The following RGL1 variants were observed in gnomAD, a reference collection of about 807,000 sequenced individuals.
RGL1 encodes ral guanine nucleotide dissociation stimulator-like 1.
A neutral mutation model predicts 95.2 loss-of-function variants in RGL1; 24 were observed. The observed-to-expected ratio is 0.25, with a 90% confidence interval of 0.18 to 0.35. RGL1 has a LOEUF of 0.35. Ranked by LOEUF, RGL1 falls within the 10% of genes least tolerant of loss-of-function variation. The pLI is 1.00. For synonymous variants in RGL1, 329 were observed against 344.9 expected (o/e 0.95, Z 0.51); for missense variants, 715 against 936.3 (o/e 0.76, Z 3.08).
intron 7 of RGL1, among the ~76,000 whole-genome samples, chr1:183,885,210 C>T (rs1667046669): frequency 6.6e-6 from 1 of 152,210 alleles, no homozygotes; most frequent in Non-Finnish European, 1.5e-5. Context: ...TAGAGTGAGA[C>T]ATTCTGTCTG....
chr1:183,870,830 T>G (rs1666141065), intron 4 of RGL1, among the ~76,000 whole-genome samples: 1 of 152,184 alleles, frequency 6.6e-6, no homozygotes, highest in East Asian at 1.9e-4. Flanking sequence ...TATTTGTGTC[T>G]CTTTTTATAA....
At chr1:183,656,785 T>C (rs1651197221) in intron 1 of RGL1, among the ~76,000 whole-genome samples, 2 of 152,214 alleles carry the variant, frequency 1.3e-5, no homozygotes, top group Admixed American at 1.3e-4. Context: ...AATGATATTA[T>C]ACAAAGAAGA....
chr1:183,872,762 A>G (rs933665068), intron 4 of RGL1, among the ~76,000 whole-genome samples: 3 of 152,250 alleles, frequency 2.0e-5, no homozygotes, highest in Admixed American at 1.3e-4. Flanking sequence ...AGAGTTTGCA[A>G]TCAATATTCA....
rs527391366 is a variant in RGL1 at position 183,683,730 on chromosome 1, A to C, written c.-33+47229A>C. 2.1e-4 allele frequency among the ~76,000 whole-genome samples: 32 copies of C among 152,262 alleles called. 1 individual carries two copies. The South Asian group carries it at 4.6e-3, about 22-fold the overall frequency. ...TTAGCCTGTCTTGCTAGTTTGGGGA[A>C]GTTCTCCTGGCTAATATCCTGAAGA... is the stretch of plus-strand genomic sequence containing the variant. On this transcript the variant is annotated intron_variant, in intron 1 of 18. Coordinates refer to the RGL1 transcript ENST00000304685.
chr1:183,690,924 A>G (rs1653909075), intron 1 of RGL1, among the ~76,000 whole-genome samples: 1 of 152,186 alleles, frequency 6.6e-6, no homozygotes, highest in Non-Finnish European at 1.5e-5. Context: ...TTCTTGAACA[A>G]CTTATGCTTT....
chr1:183,673,949 G>A (rs760491527), intron 1 of RGL1, among the ~76,000 whole-genome samples: 5 of 152,150 alleles, frequency 3.3e-5, no homozygotes, highest in Non-Finnish European at 5.9e-5. Flanking sequence ...TCTGGTCTCT[G>A]TTGCCAAGGT....
chr1:183,674,766 A>G (rs2102061794), intron 1 of RGL1, among the ~76,000 whole-genome samples: 1 of 152,354 alleles, frequency 6.6e-6, no homozygotes, highest in Middle Eastern at 3.4e-3. Flanking sequence ...GATAGGTTGC[A>G]TGATTGTTGG....
intron 16 of RGL1, among the ~76,000 whole-genome samples, chr1:183,918,662 A>T (rs1362242993): frequency 6.6e-6 from 1 of 152,102 alleles, no homozygotes; most frequent in African/African-American, 2.4e-5. Context: ...TGAGCAGAAG[A>T]TCCCCTGCCC....
chr1:183,704,158 C>T (rs1191430312), intron 1 of RGL1, among the ~76,000 whole-genome samples: 1 of 152,138 alleles, frequency 6.6e-6, no homozygotes, highest in African/African-American at 2.4e-5. Flanking sequence ...AGTGCATTTC[C>T]AGCTGCTATA....
chr1:183,817,797 A>C (rs1366057852), intron 2 of RGL1, among the ~76,000 whole-genome samples: 1 of 152,114 alleles, frequency 6.6e-6, no homozygotes, highest in Non-Finnish European at 1.5e-5. Flanking sequence ...TTGTACACTG[A>C]CTCAAGGCAT....
At chr1:183,744,859 G>A (rs78082089) in intron 2 of RGL1, among the ~76,000 whole-genome samples, 1 of 151,492 alleles carries the variant, frequency 6.6e-6, no homozygotes, top group African/African-American at 2.4e-5. Flanking sequence ...ATTTTTCCTC[G>A]TGAACATATG....
chr1:183,655,289 GT>G (rs1396136566), intron 1 of RGL1, among the ~76,000 whole-genome samples: 1 of 152,204 alleles, frequency 6.6e-6, no homozygotes, highest in Non-Finnish European at 1.5e-5. Context: ...TGTGTTGCTA[GT>G]TACTGCTTAT....
At chr1:183,898,969 T>C (rs1226356163) in intron 10 of RGL1, among the ~76,000 whole-genome samples, 1 of 152,230 alleles carries the variant, frequency 6.6e-6, no homozygotes, top group Admixed American at 6.5e-5. Flanking sequence ...TGGGGACCGC[T>C]TTTTACTTTT....
At chr1:183,791,849 AT>A (rs1178589567) in intron 2 of RGL1, among the ~76,000 whole-genome samples, 2 of 151,980 alleles carry the variant, frequency 1.3e-5, no homozygotes, top group African/African-American at 4.8e-5. Flanking sequence ...CGTTTCCCTG[AT>A]TATTTTTGTT....
intron 3 of RGL1, among the ~76,000 whole-genome samples, chr1:183,849,796 T>C (rs1455795419): frequency 1.3e-5 from 2 of 152,156 alleles, no homozygotes; most frequent in African/African-American, 4.8e-5. Context: ...CAAATTTGTT[T>C]TTTAAACTTT....
rs577847375 is a variant in RGL1, at chr1:183,720,326, A to G, written c.-32-21800A>G. Among the ~76,000 whole-genome samples, 5 of 152,354 alleles carry G rather than the reference A, an allele frequency of 3.3e-5. 1 individual carries two copies. The South Asian group carries it at 1.0e-3, about 32-fold the overall frequency. On this transcript the variant is annotated intron_variant, in intron 1 of 18. Transcript: ENST00000304685. ...CCTAAAAAACACCACAGAACGGCCA[A>G]TCCTTTGCCTCTGGCACCCACACAG...
chr1:183,863,184 T>C (rs1665614502), intron 3 of RGL1, among the ~76,000 whole-genome samples: 1 of 151,990 alleles, frequency 6.6e-6, no homozygotes. Flanking sequence ...GCTGAGGAAT[T>C]GTAGGAGGCG....
At chr1:183,643,262 T>TTTTA (rs374025637) in intron 1 of RGL1, among the ~76,000 whole-genome samples, 21,127 of 135,000 alleles carry the variant, frequency 0.16, 1,697 homozygotes, top group East Asian at 0.31. Context: ...GGTCCTGTTT[T>TTTTA]TTTATTTATT....
In RGL1 at chr1:183,847,550, T is replaced by C. The variant is rs544703342; in HGVS notation, c.139-16T>C. On this transcript the variant is annotated splice_polypyrimidine_tract_variant and intron_variant, in intron 2 of 17. Transcript: ENST00000360851. ...GAGTCATTTCTCCTTATGGTAATTG[T>C]TAATTTATTATACAGGTTGAAGGGG... is the stretch of plus-strand genomic sequence containing the variant. The C allele has an allele frequency of 2.8e-5, 45 of 1,603,210 alleles. No homozygotes were observed. The African/African-American group carries it at 5.4e-4, about 19-fold the overall frequency.
Sources: gnomAD v4.1 joint callset for allele counts (sites outside exome capture counted in the v4.1 genomes callset) on GRCh38, gnomAD v4.1.1 for gene constraint, MANE v1.5 for transcripts, NCBI Gene and HGNC (gene_info 2026-07-23, HGNC 2026-07-21) for gene names.